Variants in PLA2G4F observed in about 807,000 individuals in gnomAD.
PLA2G4F encodes phospholipase A2 group IVF.
PLA2G4F carries 105 observed loss-of-function variants against 103.1 expected under a neutral mutation model. The ratio of observed to expected loss-of-function variants is 1.02; its 90% CI spans 0.87 to 1.20. The LOEUF (loss-of-function observed/expected upper bound fraction) is 1.20, where lower values mean the gene tolerates loss of function less well. Ranked by LOEUF, PLA2G4F falls within the 50% of genes most tolerant of loss-of-function variation. The probability of loss-of-function intolerance (pLI) is 0.00; values close to 1 mark genes in which losing one functional copy is unlikely to be tolerated. For synonymous variants in PLA2G4F, 468 were observed against 441.1 expected, an observed-to-expected ratio of 1.06 and a Z score of -0.76; for missense variants, 1,155 against 1,075.9, an observed-to-expected ratio of 1.07 and a Z score of -1.03.
At chr15:42,153,876 G>A (rs2048984995) in intron 4 of PLA2G4F, among the ~76,000 whole-genome samples, 1 of 152,254 alleles carries the variant, frequency 6.6e-6, no homozygotes, top group Non-Finnish European at 1.5e-5. Flanking sequence ...TAATTCAGCT[G>A]TGACTGAGGG....
intron 1 of PLA2G4F, among the ~76,000 whole-genome samples, 157 bp downstream of exon 1, chr15:42,156,282 G>T (rs2049014034): frequency 6.6e-6 from 1 of 152,162 alleles, no homozygotes; most frequent in Non-Finnish European, 1.5e-5. Flanking sequence ...ATTTTTAAGA[G>T]CCAAGGTCTA....
Position 42,141,974 on chromosome 15 carries a change from C to T in PLA2G4F, c.*10G>A. 1.2e-6 allele frequency: 2 copies of T among 1,610,828 alleles called. No homozygotes were observed. Among genetic ancestry groups the T allele is most frequent in the Non-Finnish European group, 1.7e-6 (2 of 1,177,972 alleles). On this transcript the variant is annotated 3_prime_UTR_variant, in exon 20 of 20. Transcript: ENST00000397272. ...TCCTCTCTGTCACAGTCCTCCGCTT[C>T]CTGCCTTGGTCAGGCCCCTGCCCTC... is the stretch of plus-strand genomic sequence containing the variant.
chr15:42,150,853 C>T, intron 7 of PLA2G4F, 76 bp from the exon 8 acceptor site: 1 of 1,532,416 alleles, frequency 6.5e-7, no homozygotes, highest in South Asian at 1.2e-5. Context: ...CTGGCAGCGC[C>T]CCAGCAGCAA....
intron 6 of PLA2G4F, 111 bp from the exon 7 acceptor site, chr15:42,152,865 G>T (rs2140814532): frequency 9.6e-7 from 1 of 1,037,806 alleles, no homozygotes; most frequent in Non-Finnish European, 1.4e-6. Context: ...GCCCCATCCA[G>T]GATGGAGGGA....
In PLA2G4F at chr15:42,141,500, T is replaced by A. The variant is rs1027656897; in HGVS notation, c.*484A>T. ...CCTCATTGTTCTTGATAGCAGTGCA[T>A]CCAGGAGCTCGAGGTGGGGTTGGGG... On this transcript the variant is annotated 3_prime_UTR_variant, in exon 20 of 20. Transcript: ENST00000397272. 2.3e-6 allele frequency: 1 copy of A among 442,686 alleles called. No homozygotes were observed. The highest frequency in any genetic ancestry group is 4.5e-6 in the Non-Finnish European group (1 of 220,032). 27.4% of individuals were successfully genotyped at this position (442,686 alleles called of 1,614,324 possible). A position where few individuals can be genotyped will look rare whatever the true frequency, so the allele number is the denominator to read the frequency against.
chr15:42,142,942 A>G (rs1483532248), intron 18 of PLA2G4F, among the ~76,000 whole-genome samples: 3 of 152,210 alleles, frequency 2.0e-5, no homozygotes, highest in East Asian at 3.9e-4. Flanking sequence ...GCACTTTGGG[A>G]GGCCGAGGCT....
intron 18 of PLA2G4F, among the ~76,000 whole-genome samples, chr15:42,143,490 A>T (rs2048846511): frequency 6.6e-6 from 1 of 152,220 alleles, no homozygotes. Flanking sequence ...GGGCTGCTCC[A>T]GCAGCACCAC....
intron 17 of PLA2G4F, 47 bp downstream of exon 17, chr15:42,144,403 C>T (rs1312525907): frequency 1.3e-6 from 2 of 1,598,914 alleles, no homozygotes; most frequent in South Asian, 1.1e-5. Flanking sequence ...GCCAGAGGTG[C>T]AGGCAGGAAG....
intron 11 of PLA2G4F, chr15:42,149,433 T>G (rs1334719740): frequency 1.1e-6 from 1 of 936,478 alleles, no homozygotes; most frequent in Non-Finnish European, 1.3e-6. Context: ...CACCTTCATC[T>G]CGGACTTCCA....
chr15:42,152,080 G>A (rs937965499), intron 7 of PLA2G4F, among the ~76,000 whole-genome samples: 3 of 152,200 alleles, frequency 2.0e-5, no homozygotes, highest in Admixed American at 2.0e-4. Flanking sequence ...TGCCTGGGTG[G>A]CTGTCCTCTG....
At chr15:42,147,406 G>T in intron 12 of PLA2G4F, 60 bp from the exon 13 acceptor site, 1 of 1,520,808 alleles carries the variant, frequency 6.6e-7, no homozygotes, top group South Asian at 1.1e-5. Context: ...GGAGAGAGGG[G>T]TGCAGAGTCT....
rs368699622 is a variant in PLA2G4F, at chr15:42,141,944, G to A, written c.*40C>T. 34 of 1,563,304 alleles carry A rather than the reference G, an allele frequency of 2.2e-5. No individual in the cohort carries two copies. Among genetic ancestry groups the A allele is most frequent in the Admixed American group, 2.0e-4 (12 of 59,374 alleles). On this transcript the variant is annotated 3_prime_UTR_variant, in exon 20 of 20. Transcript: ENST00000397272. Reference sequence around the variant, plus strand: ...TCTACAAGCCCTGACCATGAGCAGTGTGTCTCCTCTCTGTCACAGTCCTCC... The same window carrying A: ...TCTACAAGCCCTGACCATGAGCAGTATGTCTCCTCTCTGTCACAGTCCTCC...
In PLA2G4F at chr15:42,145,792, G is replaced by T; in HGVS notation, c.1646C>A (p.Pro549His). 2 of 1,614,130 alleles carry T rather than the reference G, an allele frequency of 1.2e-6. No individual in the cohort carries two copies. The highest frequency in any genetic ancestry group is 1.1e-5 in the South Asian group (1 of 91,082). ...LFMGRLLQLQ[P>H]EPRICYLQGM... ...TTGCAGGTAACAGATCCGGGGTTCA[G>T]GCTGGAGCTGCAGCAATCGTCCCAT... Residue 549 changes from proline to histidine, a missense_variant, in exon 15 of 20, where the codon CCT (proline) becomes CAT (histidine). Pro to His is a moderately conservative substitution (Grantham distance 77). This residue lies in a region of PLA2G4F where 782 missense variants were observed against 692.9 expected (regional missense o/e 1.13). Transcript: ENST00000397272.
At chr15:42,150,877 T>G in intron 7 of PLA2G4F, 100 bp from the exon 8 acceptor site, 3 of 1,502,836 alleles carry the variant, frequency 2.0e-6, no homozygotes, top group Non-Finnish European at 1.8e-6. Context: ...CTCCCTTCTC[T>G]TCCCCTAGGA....
At chr15:42,155,636 G>C in intron 1 of PLA2G4F, 47 bp from the exon 2 acceptor site, 1 of 1,574,010 alleles carries the variant, frequency 6.4e-7, no homozygotes, top group Non-Finnish European at 8.7e-7. Flanking sequence ...TGTGAGCCTG[G>C]TCCCTCGCCC....
chr15:42,151,299 C>A, intron 7 of PLA2G4F: 1 of 985,096 alleles, frequency 1.0e-6, no homozygotes, highest in Non-Finnish European at 1.2e-6. Context: ...TGCGTGGGTA[C>A]AGAGAGATGC....
intron 19 of PLA2G4F, among the ~76,000 whole-genome samples, 154 bp downstream of exon 19, chr15:42,142,374 G>T (rs1330769923): frequency 1.3e-5 from 2 of 152,178 alleles, no homozygotes; most frequent in Non-Finnish European, 2.9e-5. Context: ...CCATCTGAAC[G>T]CTGAGACCCA....
chr15:42,150,112 C>T lies in PLA2G4F; in HGVS notation c.915G>A (p.Val305=), dbSNP rs781142517. 2.0e-5 allele frequency: 33 copies of T among 1,614,042 alleles called. No individual in the cohort carries two copies. The highest frequency in any genetic ancestry group is 1.6e-4 in the Middle Eastern group (1 of 6,084). Residue 305 remains valine (V), a synonymous_variant, in exon 10 of 20, where the codon GTG becomes GTA. Transcript: ENST00000397272. ...EGQEVALSMK[V]EMSSGDLDLR... ...CCTGGAGTCCCACTCACCTCATTTC[C>T]ACCTTCATGCTCAGAGCCACCTCCT...
rs2048903329 is a variant in PLA2G4F at position 42,147,359 on chromosome 15, G to A, written c.1197-13C>T. 2 of 1,600,514 alleles carry A rather than the reference G, an allele frequency of 1.2e-6. No homozygotes were observed. Among genetic ancestry groups the A allele is most frequent in the East Asian group, 4.5e-5 (2 of 44,844 alleles). The stretch of plus-strand genomic sequence containing the variant: ...TGTGGAGATGCACCTGGGGATTGGA[G>A]GTGTGCCTGAGTCAGGGGCAGGAGA... On this transcript the variant is annotated splice_polypyrimidine_tract_variant and intron_variant, in intron 12 of 19. Coordinates refer to ENST00000397272, the MANE Select transcript of PLA2G4F (RefSeq NM_213600.4).
Sources: gnomAD v4.1 joint callset for allele counts (sites outside exome capture counted in the v4.1 genomes callset) on GRCh38, gnomAD v4.1.1 for gene constraint, gnomAD v4.1.1 regional missense constraint, MANE v1.5 for transcripts, NCBI Gene and HGNC (gene_info 2026-07-23, HGNC 2026-07-21) for gene names.